The following PHF14 variants were observed in gnomAD, a reference collection of about 807,000 sequenced individuals.
The protein encoded by PHF14 is PHD finger protein 14.
PHF14 carries 55 observed loss-of-function variants against 117.9 expected under a neutral mutation model. The observed-to-expected ratio is 0.47, with a 90% confidence interval of 0.38 to 0.58. PHF14 has a LOEUF of 0.58. Ranked by LOEUF, PHF14 falls within the 20% of genes least tolerant of loss-of-function variation. The pLI, the probability that PHF14 is intolerant of heterozygous loss-of-function variation, is 0.00. For synonymous variants in PHF14, 409 were observed against 368.6 expected, an observed-to-expected ratio of 1.11 and a Z score of -1.26; for missense variants, 978 against 1,122.2, an observed-to-expected ratio of 0.87 and a Z score of 1.84.
chr7:10,986,221 C>T (rs940261425), intron 3 of PHF14, among the ~76,000 whole-genome samples: 1 of 150,982 alleles, frequency 6.6e-6, no homozygotes, highest in Non-Finnish European at 1.5e-5. Context: ...TGACCACAAG[C>T]AGTCCTCCTG....
At chr7:11,013,644 C>G in intron 4 of PHF14, 103 bp from the exon 5 acceptor site, 1 of 583,216 alleles carries the variant, frequency 1.7e-6, no homozygotes, top group Non-Finnish European at 2.9e-6. Context: ...ATTGGTGTTT[C>G]ATATCTTTTT....
intron 16 of PHF14, among the ~76,000 whole-genome samples, chr7:11,097,335 G>GA (rs1786915367): frequency 6.6e-6 from 1 of 152,054 alleles, no homozygotes; most frequent in African/African-American, 2.4e-5. Context: ...GAATTATTAT[G>GA]ACACCTAAAA....
At chr7:11,057,714 T>C (rs978842646) in intron 14 of PHF14, among the ~76,000 whole-genome samples, 4 of 152,122 alleles carry the variant, frequency 2.6e-5, no homozygotes, top group African/African-American at 9.7e-5. Context: ...ATAAGATAAT[T>C]TTACACCTTT....
chr7:11,084,361 T>G (rs1786292122), intron 16 of PHF14, among the ~76,000 whole-genome samples: 1 of 152,214 alleles, frequency 6.6e-6, no homozygotes, highest in African/African-American at 2.4e-5. Context: ...CCTCTAAACC[T>G]GTCCCTTTGA....
chr7:11,098,645 T>C (rs768449113), intron 16 of PHF14, among the ~76,000 whole-genome samples: 1 of 152,180 alleles, frequency 6.6e-6, no homozygotes, highest in Non-Finnish European at 1.5e-5. Context: ...TTGTCTTCCT[T>C]CTTTAATCCC....
intron 4 of PHF14, among the ~76,000 whole-genome samples, chr7:10,994,981 A>T (rs759537075): frequency 2.6e-5 from 4 of 152,082 alleles, no homozygotes; most frequent in Non-Finnish European, 5.9e-5. Context: ...CATCCTGCTG[A>T]TAGGTCCATT....
chr7:11,135,632 TAAG>T (rs920996340), intron 17 of PHF14, among the ~76,000 whole-genome samples: 3 of 152,166 alleles, frequency 2.0e-5, no homozygotes, highest in African/African-American at 7.2e-5. Flanking sequence ...CCATCTTTGT[TAAG>T]AAGCAACAAT....
intron 4 of PHF14, among the ~76,000 whole-genome samples, chr7:11,005,460 T>C (rs2128313983): frequency 6.6e-6 from 1 of 152,352 alleles, no homozygotes. Flanking sequence ...AAGGCCCTTG[T>C]GTATACACAA....
At chr7:11,138,553 C>A (rs1374590943) in intron 17 of PHF14, among the ~76,000 whole-genome samples, 1 of 152,178 alleles carries the variant, frequency 6.6e-6, no homozygotes, top group Non-Finnish European at 1.5e-5. Context: ...CTTGTGTTAA[C>A]AGCATCAATT....
intron 17 of PHF14, among the ~76,000 whole-genome samples, chr7:11,120,523 T>A (rs1787719000): frequency 6.6e-6 from 1 of 152,084 alleles, no homozygotes; most frequent in Non-Finnish European, 1.5e-5. Flanking sequence ...CAAGTCTAAC[T>A]TTTTCATGCA....
At chr7:11,075,583 T>TG (rs1785812642) in intron 16 of PHF14, among the ~76,000 whole-genome samples, 7 of 147,162 alleles carry the variant, frequency 4.8e-5, no homozygotes, top group African/African-American at 1.8e-4. Context: ...TTTTTTTTTT[T>TG]TTTTTTTATT....
chr7:11,102,389 A>C (rs1460029695), intron 16 of PHF14: 1 of 1,299,494 alleles, frequency 7.7e-7, no homozygotes, highest in Non-Finnish European at 1.1e-6. Flanking sequence ...TGTTATTTGA[A>C]TCTACTGTGG....
chr7:11,150,797 G>T (rs1027718030), intron 17 of PHF14, among the ~76,000 whole-genome samples: 1 of 152,060 alleles, frequency 6.6e-6, no homozygotes, highest in African/African-American at 2.4e-5. Context: ...AATGATTCAG[G>T]CTACTTAGAT....
intron 7 of PHF14, among the ~76,000 whole-genome samples, chr7:11,031,938 C>G (rs1461299804): frequency 3.3e-5 from 5 of 152,106 alleles, no homozygotes; most frequent in African/African-American, 1.2e-4. Context: ...TTGCTGTACT[C>G]TGTTCTGTAG....
At chr7:11,087,581 A>G (rs994594848) in intron 16 of PHF14, among the ~76,000 whole-genome samples, 17 of 152,142 alleles carry the variant, frequency 1.1e-4, no homozygotes, top group East Asian at 3.9e-4. Flanking sequence ...CTTTGCTCCA[A>G]TGATTGACTT....
At chr7:11,154,780 C>G (rs988821338) in intron 17 of PHF14, among the ~76,000 whole-genome samples, 1 of 152,096 alleles carries the variant, frequency 6.6e-6, no homozygotes, top group Non-Finnish European at 1.5e-5. Flanking sequence ...ATAGCCTTTT[C>G]CTAATTACTA....
In PHF14 at chr7:11,169,490, A is replaced by G. The variant is rs762219756; in HGVS notation, c.2847A>G (p.Ter949=). 3 of 1,439,344 alleles carry G rather than the reference A, an allele frequency of 2.1e-6. No individual in the cohort carries two copies. The highest frequency in any genetic ancestry group is 1.4e-5 in the South Asian group (1 of 70,904). The allele number at this position is 1,439,344 out of a possible 1,614,324, so 89.2% of individuals were successfully genotyped here. A position where few individuals can be genotyped will look rare whatever the true frequency, so the allele number is the denominator to read the frequency against. ...TGGAACAGAAAAATCCAAAGAAATA[A>G]AAGATTTTCTGTAGTGTTTTTGAAA... ...LNMEQKNPKK[*] The change falls in exon 18 of 18, where the codon TAA becomes TAG. Residue 949 remains the stop codon, a stop_retained_variant. Coordinates refer to ENST00000634607, the MANE Select transcript of PHF14 (RefSeq NM_001007157.2).
intron 6 of PHF14, among the ~76,000 whole-genome samples, chr7:11,028,335 T>G (rs1264081899): frequency 6.6e-6 from 1 of 152,170 alleles, no homozygotes; most frequent in Non-Finnish European, 1.5e-5. Flanking sequence ...ATTGTAAAGT[T>G]AAAAAATTAG....
intron 16 of PHF14, among the ~76,000 whole-genome samples, chr7:11,094,840 A>C (rs536126436): frequency 6.6e-6 from 1 of 152,132 alleles, no homozygotes; most frequent in Admixed American, 6.5e-5. Flanking sequence ...TATGGGGTCT[A>C]TCTTTCTTGT....
Sources: allele counts gnomAD v4.1 joint callset (sites outside exome capture counted in the v4.1 genomes callset), GRCh38; gene constraint gnomAD v4.1.1; transcripts MANE v1.5; gene names NCBI Gene and HGNC (gene_info 2026-07-23, HGNC 2026-07-21).